Variants in TMCC1 observed in about 807,000 individuals in gnomAD.
TMCC1 encodes the protein transmembrane and coiled-coil domain family 1.
TMCC1 carries 15 observed loss-of-function variants against 52.4 expected under a neutral mutation model. The ratio of observed to expected loss-of-function variants is 0.29; its 90% confidence interval spans 0.19 to 0.44. The LOEUF (loss-of-function observed/expected upper bound fraction) is 0.44. Ranked by LOEUF, TMCC1 falls within the 20% of genes least tolerant of loss-of-function variation. The probability of loss-of-function intolerance (pLI) is 1.00; values close to 1 mark genes in which losing one functional copy is unlikely to be tolerated. For missense variants in TMCC1, 503 were observed against 806.0 expected, an observed-to-expected ratio of 0.62 and a Z score of 4.55; for synonymous variants, 279 against 301.9, an observed-to-expected ratio of 0.92 and a Z score of 0.79.
intron 2 of TMCC1, among the ~76,000 whole-genome samples, chr3:129,862,305 C>T (rs894335476): frequency 1.3e-5 from 2 of 152,004 alleles, no homozygotes; most frequent in South Asian, 2.1e-4. Flanking sequence ...ATGGTTGTAC[C>T]GCTCTGTGAA....
chr3:129,884,290 G>A (rs2061593701), intron 1 of TMCC1, among the ~76,000 whole-genome samples: 1 of 152,048 alleles, frequency 6.6e-6, no homozygotes, highest in Non-Finnish European at 1.5e-5. Context: ...ATAATAGTAT[G>A]AGCAGAATCA....
At position 129,650,516 on chromosome 3, in the gene TMCC1, CAA is replaced by C. The variant is rs775543273; in HGVS notation, c.*963_*964del. The C allele has an allele frequency of 5.9e-5, 9 of 152,532 alleles. No individual in the cohort carries two copies. The highest frequency in any genetic ancestry group is 1.2e-4 in the Non-Finnish European group (8 of 68,050). 9.4% of individuals were successfully genotyped at this position (152,532 alleles called of 1,614,324 possible). The stretch of plus-strand genomic sequence containing the variant: ...CTTTCTTACTCAAACTGTTTCAAGA[CAA>C]GAGGGAGCAGCACACTTAAATATCC... On this transcript the variant is annotated 3_prime_UTR_variant, in exon 7 of 7. Transcript: ENST00000393238.
At chr3:129,705,605 CTT>C (rs1277305226) in intron 4 of TMCC1, among the ~76,000 whole-genome samples, 13 of 138,822 alleles carry the variant, frequency 9.4e-5, no homozygotes, top group East Asian at 4.2e-4. Flanking sequence ...ATTTGAAACA[CTT>C]TTTTTTTTTT....
chr3:129,672,527 T>C (rs1037570496), intron 4 of TMCC1, among the ~76,000 whole-genome samples: 2 of 151,948 alleles, frequency 1.3e-5, no homozygotes, highest in Non-Finnish European at 1.5e-5. Flanking sequence ...TTGAGCCCAG[T>C]AGTTCCAGGC....
chr3:129,670,194 T>C (rs925792126), intron 5 of TMCC1, 136 bp downstream of exon 5: 6 of 842,806 alleles, frequency 7.1e-6, no homozygotes, highest in Admixed American at 5.5e-5. Context: ...GGAACTCATG[T>C]GGATGTCTTA....
intron 2 of TMCC1, chr3:129,857,480 T>C (rs1045110442): frequency 1.3e-5 from 2 of 152,224 alleles, no homozygotes; most frequent in Non-Finnish European, 2.9e-5. Context: ...AAACTACTGT[T>C]CTTCATAGAT....
chr3:129,788,023 C>T (rs2056163497), intron 4 of TMCC1, among the ~76,000 whole-genome samples: 1 of 152,180 alleles, frequency 6.6e-6, no homozygotes. Context: ...CTCCTATCCA[C>T]CTATGTCTCC....
chr3:129,728,212 G>C (rs1304420055), intron 4 of TMCC1, among the ~76,000 whole-genome samples: 3 of 152,190 alleles, frequency 2.0e-5, no homozygotes, highest in Admixed American at 1.3e-4. Context: ...TAGGGAACTT[G>C]ATACAAACCA....
intron 4 of TMCC1, among the ~76,000 whole-genome samples, chr3:129,794,049 C>T (rs2056649613): frequency 6.6e-6 from 1 of 152,128 alleles, no homozygotes; most frequent in Admixed American, 6.6e-5. Context: ...TCACACACAC[C>T]CTTCTGGAAA....
chr3:129,693,489 T>A (rs1471852567), intron 4 of TMCC1, among the ~76,000 whole-genome samples: 2 of 149,002 alleles, frequency 1.3e-5, no homozygotes, highest in Non-Finnish European at 3.0e-5. Flanking sequence ...TGATCTTGCC[T>A]TCCCCAAGAT....
At chr3:129,796,497 C>G (rs1248316412) in intron 4 of TMCC1, among the ~76,000 whole-genome samples, 1 of 152,112 alleles carries the variant, frequency 6.6e-6, no homozygotes, top group Admixed American at 6.6e-5. Flanking sequence ...TATCCCAACT[C>G]TTCAAATAAG....
chr3:129,663,324 A>G (rs2087187515), intron 5 of TMCC1, among the ~76,000 whole-genome samples: 1 of 152,174 alleles, frequency 6.6e-6, no homozygotes, highest in Non-Finnish European at 1.5e-5. Context: ...GTATTGAGAG[A>G]AACAGGAAGA....
chr3:129,700,711 G>A (rs1401240606), intron 4 of TMCC1, among the ~76,000 whole-genome samples: 2 of 151,422 alleles, frequency 1.3e-5, no homozygotes, highest in African/African-American at 4.9e-5. Context: ...TCCTGACCTC[G>A]TGATCTGCCT....
In TMCC1 at chr3:129,699,974, G is replaced by A. The variant is rs552797087; in HGVS notation, c.577-28710C>T. 2.6e-5 allele frequency among the ~76,000 whole-genome samples: 4 copies of A among 152,238 alleles called. No individual in the cohort carries two copies. In the South Asian group the frequency reaches 6.2e-4, roughly 24 times the overall value. On this transcript the variant is annotated intron_variant, in intron 4 of 6. Transcript: ENST00000393238. ...TTAGGTATTACTTTATAAAGGAGCT[G>A]TCCATTACTATTTTTTTCACTGAGT...
At chr3:129,859,160 A>ATAACCT (rs1426494414) in intron 2 of TMCC1, among the ~76,000 whole-genome samples, 4 of 152,204 alleles carry the variant, frequency 2.6e-5, no homozygotes. Context: ...ATCTAGTCCA[A>ATAACCT]TAACCACATG....
At chr3:129,705,918 T>G (rs2048197270) in intron 4 of TMCC1, among the ~76,000 whole-genome samples, 1 of 131,796 alleles carries the variant, frequency 7.6e-6, no homozygotes, top group African/African-American at 2.9e-5. Flanking sequence ...TGAGACAAAG[T>G]CTCACTCTGT....
chr3:129,744,517 C>T (rs978601805), intron 4 of TMCC1, among the ~76,000 whole-genome samples: 2 of 152,048 alleles, frequency 1.3e-5, no homozygotes, highest in African/African-American at 4.8e-5. Flanking sequence ...AACTCCTAGG[C>T]TCAAGTGATC....
At chr3:129,846,588 C>T (rs2059675773) in intron 2 of TMCC1, among the ~76,000 whole-genome samples, 1 of 152,150 alleles carries the variant, frequency 6.6e-6, no homozygotes, top group Non-Finnish European at 1.5e-5. Context: ...TTAGCAACAT[C>T]TTTTACCAAC....
At chr3:129,666,959 T>G (rs192480899) in intron 5 of TMCC1, among the ~76,000 whole-genome samples, 1 of 151,434 alleles carries the variant, frequency 6.6e-6, no homozygotes, top group African/African-American at 2.4e-5. Flanking sequence ...TGGAGTGCAG[T>G]GGCATGATCT....
Sources: allele counts gnomAD v4.1 joint callset (sites outside exome capture counted in the v4.1 genomes callset), GRCh38; gene constraint gnomAD v4.1.1; transcripts MANE v1.5; gene names NCBI Gene and HGNC (gene_info 2026-07-23, HGNC 2026-07-21).